The following RALGAPA1 variants were observed in gnomAD, a reference collection of about 807,000 sequenced individuals.
The protein encoded by RALGAPA1 is Ral GTPase activating protein catalytic subunit alpha 1.
RALGAPA1 carries 52 observed loss-of-function variants against 269.6 expected under a neutral mutation model. The ratio of observed to expected loss-of-function variants is 0.19; its 90% CI spans 0.15 to 0.24. The LOEUF (loss-of-function observed/expected upper bound fraction) is 0.24. Among genes scored for constraint, RALGAPA1 ranks in the 10% least tolerant of loss-of-function variants. The probability of loss-of-function intolerance (pLI) is 1.00; values close to 1 mark genes in which losing one functional copy is unlikely to be tolerated. For missense variants in RALGAPA1, 1,917 were observed against 3,013.9 expected, an observed-to-expected ratio of 0.64 and a Z score of 8.52; for synonymous variants, 817 against 1,008.3, an observed-to-expected ratio of 0.81 and a Z score of 3.60.
intron 26 of RALGAPA1, among the ~76,000 whole-genome samples, chr14:35,669,026 C>T (rs1008711369): frequency 6.6e-6 from 1 of 152,144 alleles, no homozygotes; most frequent in Non-Finnish European, 1.5e-5. Context: ...GCCTGGAACA[C>T]TGTCTCTCAT....
At chr14:35,748,877 C>T in intron 9 of RALGAPA1, 53 bp from the exon 10 acceptor site, 1 of 1,508,216 alleles carries the variant, frequency 6.6e-7, no homozygotes, top group South Asian at 1.3e-5. Flanking sequence ...AATCATTTAA[C>T]TATGTATTTT....
At chr14:35,614,322 C>T (rs1333938082) in intron 35 of RALGAPA1, among the ~76,000 whole-genome samples, 2 of 152,078 alleles carry the variant, frequency 1.3e-5, no homozygotes, top group Non-Finnish European at 2.9e-5. Context: ...ACTGAAATGT[C>T]CATCGACTGA....
In RALGAPA1 at chr14:35,627,549, G is replaced by A. The variant is rs756541655; in HGVS notation, c.6398C>T (p.Ser2133Phe). The change falls in exon 34 of 42, where the codon TCT becomes TTT. Residue 2133 changes from serine to phenylalanine, a missense_variant. Physicochemically the swap from Ser to Phe is radical, Grantham distance 155. Around this residue, in one of 11 missense-constraint regions of RALGAPA1, gnomAD observed 346 missense variants for 566.1 expected, o/e 0.61. Coordinates refer to ENST00000680220, the MANE Select transcript of RALGAPA1 (RefSeq NM_001346249.2). ...PPVSGLSEPT[S>F]FMLSLSHQEK... ...TTGGTGAGACAATGAAAGCATGAAA[G>A]ATGTAGGTTCTGACAAGCCACTTAC... 1.3e-6 allele frequency: 2 copies of A among 1,584,184 alleles called. No individual in the cohort carries two copies. Among genetic ancestry groups the A allele is most frequent in the Non-Finnish European group, 1.7e-6 (2 of 1,167,736 alleles).
chr14:35,781,388 G>A (rs1371023690), intron 1 of RALGAPA1, among the ~76,000 whole-genome samples: 1 of 152,078 alleles, frequency 6.6e-6, no homozygotes, highest in Non-Finnish European at 1.5e-5. Context: ...TCAAAGAAAA[G>A]CTTGGACTCA....
intron 41 of RALGAPA1, among the ~76,000 whole-genome samples, chr14:35,544,690 C>G (rs547654780): frequency 9.9e-5 from 15 of 152,138 alleles, no homozygotes; most frequent in Non-Finnish European, 2.1e-4. Context: ...TAGAACATAT[C>G]TGGCTGCCTA....
At chr14:35,727,442 C>CT (rs1297258341) in intron 13 of RALGAPA1, among the ~76,000 whole-genome samples, 1 of 149,470 alleles carries the variant, frequency 6.7e-6, no homozygotes, top group Admixed American at 6.7e-5. Context: ...AACCTTTGAG[C>CT]TTTTTTCTTT....
chr14:35,771,518 A>T (rs1283220389), intron 3 of RALGAPA1, among the ~76,000 whole-genome samples: 1 of 152,248 alleles, frequency 6.6e-6, no homozygotes. Context: ...GCCTCAAAAA[A>T]CAACAAGCAA....
intron 12 of RALGAPA1, among the ~76,000 whole-genome samples, chr14:35,735,310 A>G (rs1031637237): frequency 1.6e-4 from 25 of 152,234 alleles, no homozygotes; most frequent in African/African-American, 6.0e-4. Context: ...GTACCAACCC[A>G]AATACCCATC....
chr14:35,636,424 T>G (rs1309023252), intron 31 of RALGAPA1, among the ~76,000 whole-genome samples: 1 of 152,114 alleles, frequency 6.6e-6, no homozygotes, highest in African/African-American at 2.4e-5. Flanking sequence ...AAAAAATAAA[T>G]AAAATAAGGA....
At chr14:35,789,662 C>T (rs2076022741) in intron 1 of RALGAPA1, among the ~76,000 whole-genome samples, 1 of 152,154 alleles carries the variant, frequency 6.6e-6, no homozygotes, top group African/African-American at 2.4e-5. Flanking sequence ...TCCTCACCCC[C>T]ACTGTCTGTA....
chr14:35,684,671 T>G lies in RALGAPA1; in HGVS notation c.4294+258A>C, dbSNP rs992420692. 5.5e-4 allele frequency among the ~76,000 whole-genome samples: 84 copies of G among 152,122 alleles called. 2 individuals carry two copies. The highest frequency in any genetic ancestry group is 2.5e-4 in the Non-Finnish European group (17 of 68,018). ...CACTGAAAATTGAAATAAAAATAAGTGGGGCCAAGAATGATGCCTTGCACC... is the reference window on the plus strand; with the variant it reads ...CACTGAAAATTGAAATAAAAATAAGGGGGGCCAAGAATGATGCCTTGCACC... On this transcript the variant is annotated intron_variant, in intron 20 of 41. Coordinates refer to ENST00000680220, the MANE Select transcript of RALGAPA1 (RefSeq NM_001346249.2).
At chr14:35,782,564 G>T (rs2075510108) in intron 1 of RALGAPA1, among the ~76,000 whole-genome samples, 1 of 152,066 alleles carries the variant, frequency 6.6e-6, no homozygotes, top group African/African-American at 2.4e-5. Flanking sequence ...ATCCAGAGTA[G>T]CTGTGATTAC....
At chr14:35,789,858 A>G (rs2076034522) in intron 1 of RALGAPA1, among the ~76,000 whole-genome samples, 1 of 152,222 alleles carries the variant, frequency 6.6e-6, no homozygotes, top group African/African-American at 2.4e-5. Context: ...TCACAGGAGC[A>G]TAAGTGAAGC....
chr14:35,802,862 C>CT (rs1238753310), intron 1 of RALGAPA1, among the ~76,000 whole-genome samples: 1 of 151,376 alleles, frequency 6.6e-6, no homozygotes, highest in African/African-American at 2.4e-5. Context: ...TTTTTTTTCT[C>CT]TTTTTTGGAG....
chr14:35,611,410 G>A (rs1228891276), intron 35 of RALGAPA1, among the ~76,000 whole-genome samples: 7 of 151,972 alleles, frequency 4.6e-5, no homozygotes, highest in African/African-American at 1.5e-4. Flanking sequence ...GCTGAGGCAG[G>A]AGAATCACTT....
intron 10 of RALGAPA1, 39 bp from the exon 11 acceptor site, chr14:35,742,604 T>C: frequency 1.4e-6 from 2 of 1,450,570 alleles, no homozygotes; most frequent in Non-Finnish European, 1.9e-6. Context: ...TGATACTTTT[T>C]CCTTTGCCAC....
At chr14:35,647,217 A>AT (rs1188081002) in intron 31 of RALGAPA1, among the ~76,000 whole-genome samples, 1 of 152,156 alleles carries the variant, frequency 6.6e-6, no homozygotes, top group Non-Finnish European at 1.5e-5. Flanking sequence ...CTGGCACGTG[A>AT]TTTTAAAAAA....
intron 1 of RALGAPA1, among the ~76,000 whole-genome samples, chr14:35,779,862 G>A (rs967058413): frequency 1.3e-5 from 2 of 152,124 alleles, no homozygotes; most frequent in Non-Finnish European, 2.9e-5. Context: ...AGTGGCTCAC[G>A]CCTATAATCC....
Position 35,709,691 on chromosome 14 carries a change from TCTGTA to T in RALGAPA1, c.2267-9394_2267-9390del, listed in dbSNP as rs568610929. Among the ~76,000 whole-genome samples the T allele has an allele frequency of 1.9e-3, 296 of 152,314 alleles. 1 individual carries two copies. Among genetic ancestry groups the T allele is most frequent in the African/African-American group, 6.8e-3 (282 of 41,580 alleles). Reference sequence around the variant, plus strand: ...TTCTTTAGTAATATATATTTTCAATTCTGTACATTTTCCTCTAAGCACAGCTTTCA... The same window carrying T: ...TTCTTTAGTAATATATATTTTCAATTCATTTTCCTCTAAGCACAGCTTTCA... On this transcript the variant is annotated intron_variant, in intron 16 of 41. Coordinates refer to ENST00000680220, the MANE Select transcript of RALGAPA1 (RefSeq NM_001346249.2).
Sources: allele counts gnomAD v4.1 joint callset (sites outside exome capture counted in the v4.1 genomes callset), GRCh38; gene constraint gnomAD v4.1.1; regional missense constraint gnomAD v4.1.1; transcripts MANE v1.5; gene names NCBI Gene and HGNC (gene_info 2026-07-23, HGNC 2026-07-21).